Variants in PCDHA6 observed in about 807,000 individuals in gnomAD.
PCDHA6 encodes the protein protocadherin alpha-6.
A neutral mutation model predicts 60.3 loss-of-function variants in PCDHA6; 55 were observed. The observed-to-expected ratio is 0.91, with a 90% CI of 0.73 to 1.14. PCDHA6 has a LOEUF of 1.14. Among genes scored for constraint, PCDHA6 ranks in the 50% most tolerant of loss-of-function variants. The probability of loss-of-function intolerance (pLI) is 0.00; values close to 1 mark genes in which losing one functional copy is unlikely to be tolerated. For synonymous variants in PCDHA6, 652 were observed against 557.9 expected (o/e 1.17, Z -2.38); for missense variants, 1,327 against 1,256.5 (o/e 1.06, Z -0.85).
chr5:140,899,962 C>G (rs1562916347), intron 1 of PCDHA6, among the ~76,000 whole-genome samples: 1 of 152,064 alleles, frequency 6.6e-6, no homozygotes, highest in African/African-American at 2.4e-5. Flanking sequence ...CATGTGCTGC[C>G]ATGCCCAGCT....
chr5:140,967,810 C>T, intron 1 of PCDHA6: 1 of 1,614,176 alleles, frequency 6.2e-7, no homozygotes, highest in Non-Finnish European at 8.5e-7. Context: ...TGGCAGGTCA[C>T]TGCAAGGTGC....
chr5:140,860,055 A>C (rs1466399941), intron 1 of PCDHA6: 6 of 151,228 alleles, frequency 4.0e-5, no homozygotes, highest in Admixed American at 3.3e-4. Flanking sequence ...TTGAGAGGCC[A>C]AGGTGGGAGG....
chr5:140,884,418 T>C, intron 1 of PCDHA6: 2 of 1,613,974 alleles, frequency 1.2e-6, no homozygotes, highest in South Asian at 2.2e-5. Flanking sequence ...ACGTTGCTGC[T>C]GTATACTGCG....
intron 1 of PCDHA6, chr5:140,841,202 A>AT: frequency 7.6e-7 from 1 of 1,311,932 alleles, no homozygotes; most frequent in East Asian, 2.4e-5. Context: ...CTCTGACAGC[A>AT]TCTGTCTCTA....
chr5:140,857,468 T>C lies in PCDHA6; in HGVS notation c.2394+26983T>C. The C allele has an allele frequency of 1.3e-6, 2 of 1,598,520 alleles. 1 individual carries two copies. Among genetic ancestry groups the C allele is most frequent in the Non-Finnish European group, 1.7e-6 (2 of 1,167,858 alleles). The stretch of plus-strand genomic sequence containing the variant: ...GAACAACCCGCCAGGCTGCCACATC[T>C]TCACGGTGTCTGCGTGGGACGCGGA... On this transcript the variant is annotated intron_variant, in intron 1 of 3. Transcript: ENST00000529310.
chr5:141,010,025 A>G lies in PCDHA6; in HGVS notation c.*88A>G. The G allele has an allele frequency of 6.4e-7, 1 of 1,573,940 alleles. No homozygotes were observed. The highest frequency in any genetic ancestry group is 2.2e-5 in the East Asian group (1 of 44,636). ...TAGCAATTCCCTGCTCCTTTTTCCT[A>G]TCTACATGAGCCCTCTTAGAGACCT... On this transcript the variant is annotated 3_prime_UTR_variant, in exon 4 of 4. Transcript: ENST00000529310.
intron 1 of PCDHA6, among the ~76,000 whole-genome samples, chr5:140,903,309 A>C (rs1435676177): frequency 6.6e-6 from 1 of 152,226 alleles, no homozygotes; most frequent in Non-Finnish European, 1.5e-5. Context: ...GTATACAATA[A>C]AGACAGCATT....
intron 1 of PCDHA6, among the ~76,000 whole-genome samples, chr5:140,954,634 T>C (rs1366737169): frequency 6.6e-6 from 1 of 152,210 alleles, no homozygotes; most frequent in Admixed American, 6.5e-5. Flanking sequence ...GTTTTTCTTG[T>C]AAATTTGTTT....
intron 1 of PCDHA6, chr5:140,969,131 A>G: frequency 6.2e-7 from 1 of 1,614,138 alleles, no homozygotes; most frequent in South Asian, 1.1e-5. Flanking sequence ...CTCCCTCACC[A>G]AGACCTACTG....
At chr5:141,004,679 TG>T in intron 3 of PCDHA6, among the ~76,000 whole-genome samples, 1 of 152,160 alleles carries the variant, frequency 6.6e-6, no homozygotes, top group South Asian at 2.1e-4. Context: ...GACTGTGGAG[TG>T]GTGCTGAAAC....
At position 140,841,270 on chromosome 5, in the gene PCDHA6, C is replaced by A; in HGVS notation, c.2394+10785C>A. On this transcript the variant is annotated intron_variant, in intron 1 of 3. Transcript: ENST00000529310. ...GATTAAAAGACTCTGAAAGTACAGT[C>A]GTTCATCTTTATATTAAGATAATAT... 4 of 1,529,280 alleles carry A rather than the reference C, an allele frequency of 2.6e-6. No individual in the cohort carries two copies. The South Asian group carries it at 3.9e-5, about 15-fold the overall frequency. 94.7% of individuals were successfully genotyped at this position (1,529,280 alleles called of 1,614,324 possible).
chr5:140,877,406 A>G (rs1554169685), intron 1 of PCDHA6: 2 of 1,613,868 alleles, frequency 1.2e-6, no homozygotes, highest in East Asian at 2.2e-5. Flanking sequence ...GCTCCGCGCC[A>G]CCGCCTGCTG....
At chr5:140,945,481 C>T (rs269552) in intron 1 of PCDHA6, among the ~76,000 whole-genome samples, 33,891 of 151,742 alleles carry the variant, frequency 0.22, 4,873 homozygotes, top group African/African-American at 0.41. Flanking sequence ...ACAAAACACC[C>T]CAAATACCCA....
At chr5:140,938,947 A>AT (rs1554212493) in intron 1 of PCDHA6, among the ~76,000 whole-genome samples, 1 of 152,094 alleles carries the variant, frequency 6.6e-6, no homozygotes, top group Non-Finnish European at 1.5e-5. Flanking sequence ...CATTCTTATA[A>AT]TGCTCTAGTC....
chr5:140,999,764 T>G (rs1587850651), intron 3 of PCDHA6, among the ~76,000 whole-genome samples: 1 of 152,284 alleles, frequency 6.6e-6, no homozygotes, highest in East Asian at 1.9e-4. Flanking sequence ...CATGATGTCT[T>G]TATACTCTTA....
At chr5:140,894,904 A>G (rs1422978967) in intron 1 of PCDHA6, among the ~76,000 whole-genome samples, 1 of 152,168 alleles carries the variant, frequency 6.6e-6, no homozygotes, top group Non-Finnish European at 1.5e-5. Context: ...TAATTTTCCT[A>G]TCTTTGTTGC....
chr5:140,917,314 G>A (rs1554197960), intron 1 of PCDHA6, among the ~76,000 whole-genome samples: 1 of 142,492 alleles, frequency 7.0e-6, no homozygotes, highest in African/African-American at 2.6e-5. Context: ...ACAATTTGGT[G>A]TTCATGTGGC....
intron 1 of PCDHA6, chr5:140,869,342 A>G (rs782505088): frequency 1.2e-6 from 2 of 1,614,050 alleles, no homozygotes; most frequent in Admixed American, 3.3e-5. Flanking sequence ...GTAAATCTGC[A>G]GAATGGCATT....
intron 1 of PCDHA6, among the ~76,000 whole-genome samples, chr5:140,955,431 AG>A (rs1273972601): frequency 1.3e-5 from 2 of 152,194 alleles, no homozygotes; most frequent in East Asian, 3.9e-4. Flanking sequence ...AGTTCTCATT[AG>A]GTCTGATGGT....
Sources: allele counts gnomAD v4.1 joint callset (sites outside exome capture counted in the v4.1 genomes callset), GRCh38; gene constraint gnomAD v4.1.1; transcripts MANE v1.5; gene names NCBI Gene and HGNC (gene_info 2026-07-23, HGNC 2026-07-21).